Variants in KLHL32 observed in about 807,000 individuals in gnomAD.
The protein encoded by KLHL32 is kelch like family member 32.
KLHL32 carries 35 observed loss-of-function variants against 64.8 expected under a neutral mutation model. The ratio of observed to expected loss-of-function variants is 0.54; its 90% CI spans 0.41 to 0.72. The LOEUF is 0.72. KLHL32 is among the 30% of genes least tolerant of loss of function. The pLI, the probability that KLHL32 is intolerant of heterozygous loss-of-function variation, is 0.00. For synonymous variants in KLHL32, 259 were observed against 281.0 expected, an observed-to-expected ratio of 0.92 and a Z score of 0.78; for missense variants, 589 against 768.5, an observed-to-expected ratio of 0.77 and a Z score of 2.76.
chr6:97,060,025 G>A (rs577042399), intron 4 of KLHL32, among the ~76,000 whole-genome samples: 2 of 152,288 alleles, frequency 1.3e-5, no homozygotes, highest in South Asian at 2.1e-4. Context: ...TTGCAAAAGC[G>A]TGTTGTTCAT....
chr6:96,990,730 G>A (rs530120691), intron 3 of KLHL32, among the ~76,000 whole-genome samples: 1 of 152,036 alleles, frequency 6.6e-6, no homozygotes, highest in Non-Finnish European at 1.5e-5. Flanking sequence ...CCAGAGTTGG[G>A]CAGCTGTGTT....
chr6:97,095,872 CA>C (rs372168916), intron 6 of KLHL32, among the ~76,000 whole-genome samples: 1 of 152,082 alleles, frequency 6.6e-6, no homozygotes, highest in Admixed American at 6.6e-5. Flanking sequence ...TTCTGAAAAA[CA>C]AAACAAAAAC....
chr6:97,129,797 G>T (rs982223271), intron 8 of KLHL32, among the ~76,000 whole-genome samples: 2 of 151,998 alleles, frequency 1.3e-5, no homozygotes, highest in African/African-American at 4.8e-5. Flanking sequence ...CAGAAGAATC[G>T]ACTTGAACCT....
chr6:97,105,418 CCTTT>C (rs1796275221), intron 6 of KLHL32: 1 of 470,912 alleles, frequency 2.1e-6, no homozygotes, highest in Non-Finnish European at 4.4e-6. Flanking sequence ...CTGTGCCCTT[CCTTT>C]GTCTTTTTCT....
At chr6:97,123,745 T>C (rs1022406301) in intron 7 of KLHL32, among the ~76,000 whole-genome samples, 1 of 152,148 alleles carries the variant, frequency 6.6e-6, no homozygotes, top group Non-Finnish European at 1.5e-5. Context: ...ATATACTCGA[T>C]AGAGGAAGGC....
At chr6:97,134,062 G>C (rs936642801) in intron 10 of KLHL32, among the ~76,000 whole-genome samples, 1 of 151,848 alleles carries the variant, frequency 6.6e-6, no homozygotes, top group Non-Finnish European at 1.5e-5. Context: ...TAACTTATGG[G>C]TTAAAGAAGA....
chr6:96,986,256 G>C (rs999508463), intron 3 of KLHL32, among the ~76,000 whole-genome samples: 1 of 152,140 alleles, frequency 6.6e-6, no homozygotes, highest in Non-Finnish European at 1.5e-5. Context: ...GGAGTATCCG[G>C]CCGTGTGAGG....
chr6:96,971,722 C>T (rs974417), intron 2 of KLHL32, among the ~76,000 whole-genome samples: 33,317 of 151,820 alleles, frequency 0.22, 4,156 homozygotes, highest in African/African-American at 0.34. Context: ...AAAGCCGTTA[C>T]AGTGTTCAGG....
At chr6:96,914,652 C>T in the KLHL32 span, 1 of 152,112 alleles carries the variant, frequency 6.6e-6, no homozygotes, top group African/African-American at 2.4e-5. Context: ...TCCCATGTTC[C>T]CAGCACTTAC....
Position 96,930,549 on chromosome 6 carries a change from T to A in KLHL32, c.-66+5523T>A, listed in dbSNP as rs1343949818. ...AAAATCTCAGTACTTATTAATTCCT[T>A]CCCTCTGCCTCCCCTTTCCCCACTC... On this transcript the variant is annotated intron_variant, in intron 1 of 10. Transcript: ENST00000369261. Among the ~76,000 whole-genome samples, 4 of 152,138 alleles carry A rather than the reference T, an allele frequency of 2.6e-5. No individual in the cohort carries two copies. In the South Asian group the frequency reaches 8.3e-4, roughly 32 times the overall value.
intron 5 of KLHL32, among the ~76,000 whole-genome samples, chr6:97,065,985 A>AT (rs5878459): frequency 0.021 from 3,200 of 151,550 alleles, 120 homozygotes; most frequent in African/African-American, 0.073. Context: ...ATGGTTAATG[A>AT]TTTTTTTTTA....
chr6:97,110,167 T>C (rs1184866114), intron 6 of KLHL32, among the ~76,000 whole-genome samples: 2 of 152,228 alleles, frequency 1.3e-5, no homozygotes, highest in East Asian at 3.9e-4. Context: ...CATTTTTCCA[T>C]ATCACTCATT....
At chr6:96,943,672 G>A (rs900262252) in intron 1 of KLHL32, among the ~76,000 whole-genome samples, 2 of 152,170 alleles carry the variant, frequency 1.3e-5, no homozygotes, top group Non-Finnish European at 2.9e-5. Context: ...TTGGCTTTGC[G>A]GCCCCTGTAG....
intron 1 of KLHL32, among the ~76,000 whole-genome samples, chr6:96,958,530 G>C (rs1267977783): frequency 6.6e-6 from 1 of 152,158 alleles, no homozygotes; most frequent in African/African-American, 2.4e-5. Context: ...AGAAGAAGAA[G>C]GATCAAGTGG....
At chr6:96,921,881 A>G (rs139188756), upstream of KLHL32, among the ~76,000 whole-genome samples, 155 of 152,296 alleles carry the variant, frequency 1.0e-3, 2 homozygotes, top group East Asian at 0.023. Flanking sequence ...TAGATGAAAA[A>G]AATGCTGCAG....
At chr6:97,001,819 C>G (rs1048694993) in intron 3 of KLHL32, among the ~76,000 whole-genome samples, 2 of 152,168 alleles carry the variant, frequency 1.3e-5, no homozygotes, top group African/African-American at 4.8e-5. Flanking sequence ...GAGTAGCACT[C>G]TGAAGATGAT....
At chr6:96,940,355 G>A (rs1006677974) in intron 1 of KLHL32, among the ~76,000 whole-genome samples, 2 of 152,080 alleles carry the variant, frequency 1.3e-5, no homozygotes, top group African/African-American at 2.4e-5. Context: ...AAGCAAAAAG[G>A]AGAAAAAAAT....
intron 4 of KLHL32, among the ~76,000 whole-genome samples, chr6:97,056,403 C>A (rs189210324): frequency 4.8e-4 from 73 of 152,262 alleles, no homozygotes; most frequent in African/African-American, 1.7e-3. Flanking sequence ...CCAGGCCCGG[C>A]CCACCAGCCT....
intron 7 of KLHL32, among the ~76,000 whole-genome samples, chr6:97,123,684 G>C (rs1425368695): frequency 6.6e-6 from 1 of 152,154 alleles, no homozygotes; most frequent in East Asian, 1.9e-4. Flanking sequence ...TTAAGATGCA[G>C]ATTATCCTCC....
Sources: allele counts gnomAD v4.1 joint callset (sites outside exome capture counted in the v4.1 genomes callset), GRCh38; gene constraint gnomAD v4.1.1; transcripts MANE v1.5; gene names NCBI Gene and HGNC (gene_info 2026-07-23, HGNC 2026-07-21).